The following USP43 variants were observed in gnomAD, a reference collection of about 807,000 sequenced individuals.
The protein encoded by USP43 is ubiquitin carboxyl-terminal hydrolase 43.
In USP43, 33 loss-of-function variants were observed where a neutral mutation model predicts 90.7. The observed-to-expected ratio is 0.36, with a 90% CI of 0.28 to 0.49. The LOEUF (loss-of-function observed/expected upper bound fraction) is 0.49. Ranked by LOEUF, USP43 falls within the 20% of genes least tolerant of loss-of-function variation. The pLI is 0.98. For missense variants in USP43, 1,274 were observed against 1,476.4 expected (o/e 0.86, Z 2.25); for synonymous variants, 598 against 615.8 (o/e 0.97, Z 0.43).
chr17:9,692,543 T>C (rs997028982), intron 8 of USP43, among the ~76,000 whole-genome samples: 1 of 152,230 alleles, frequency 6.6e-6, no homozygotes, highest in Non-Finnish European at 1.5e-5. Flanking sequence ...GAGTTGTTCA[T>C]TCCATTGAAT....
intron 7 of USP43, 91 bp downstream of exon 7, chr17:9,683,049 T>A (rs1420514049): frequency 2.0e-6 from 3 of 1,487,358 alleles, no homozygotes; most frequent in Non-Finnish European, 2.7e-6. Flanking sequence ...AAACATTTAT[T>A]CCCAAGGTTA....
chr17:9,665,188 G>A (rs1260757473), intron 2 of USP43, among the ~76,000 whole-genome samples: 1 of 152,112 alleles, frequency 6.6e-6, no homozygotes, highest in East Asian at 1.9e-4. Context: ...GGTGGCATTA[G>A]GGCACACAGA....
At chr17:9,726,846 T>A (rs1917298230) in intron 14 of USP43, among the ~76,000 whole-genome samples, 1 of 152,152 alleles carries the variant, frequency 6.6e-6, no homozygotes, top group Non-Finnish European at 1.5e-5. Context: ...GCCATGTAGG[T>A]TGTGTGTTTC....
chr17:9,701,636 C>T lies in USP43; in HGVS notation c.1947C>T (p.Asp649=). 6.3e-7 allele frequency: 1 copy of T among 1,591,506 alleles called. No individual in the cohort carries two copies. The highest frequency in any genetic ancestry group is 1.1e-5 in the South Asian group (1 of 87,068). The change falls in exon 12 of 15, where the codon GAC becomes GAT. Residue 649 remains aspartate (D), a synonymous_variant. Transcript: ENST00000285199. The surrounding 1 kb of genome is among the most constrained non-coding windows in gnomAD (Gnocchi z 7.2). ...GCCTGCCCACCAGTTACCCGCTGGA[C>T]TTCCTGTACGACCTGTATGCCGTCT... ...PDCLPTSYPL[D]FLYDLYAVCN...
chr17:9,701,317 C>CG lies in USP43; in HGVS notation c.1663-30dup. ...CCTTTGGTGGGTTGGCCACGTGCTG[C>CG]GGGGGCCTCACAGTCCGGGTGGTTT... On this transcript the variant is annotated intron_variant, in intron 11 of 14. Transcript: ENST00000285199. This position sits in a 1 kb window ranked among gnomAD's most constrained non-coding sequence, Gnocchi z 7.2. 1.3e-6 allele frequency: 2 copies of CG among 1,587,292 alleles called. No homozygotes were observed. Among genetic ancestry groups the CG allele is most frequent in the Non-Finnish European group, 1.7e-6 (2 of 1,165,992 alleles).
intron 2 of USP43, among the ~76,000 whole-genome samples, chr17:9,665,301 A>G (rs187921303): frequency 1.3e-4 from 20 of 152,280 alleles, no homozygotes; most frequent in African/African-American, 4.3e-4. Flanking sequence ...TCACACTGCT[A>G]TAAAGGAATA....
chr17:9,715,273 C>T (rs1327871132), intron 14 of USP43, among the ~76,000 whole-genome samples: 2 of 152,048 alleles, frequency 1.3e-5, no homozygotes, highest in Non-Finnish European at 2.9e-5. Flanking sequence ...CTAGCCCTGG[C>T]AACATAGTGA....
At chr17:9,675,665 C>G (rs1160163093) in intron 4 of USP43, among the ~76,000 whole-genome samples, 1 of 152,150 alleles carries the variant, frequency 6.6e-6, no homozygotes. Context: ...TATTGACATC[C>G]CCTGCCTTTA....
chr17:9,652,992 A>G (rs1322025167), intron 1 of USP43, among the ~76,000 whole-genome samples: 1 of 151,928 alleles, frequency 6.6e-6, no homozygotes, highest in African/African-American at 2.4e-5. Flanking sequence ...TTTGTATTTC[A>G]TCAGTCATAA....
chr17:9,710,197 A>G, intron 13 of USP43, 83 bp downstream of exon 13: 1 of 1,331,946 alleles, frequency 7.5e-7, no homozygotes, highest in East Asian at 2.8e-5. Flanking sequence ...AACATCGAGG[A>G]CCAGGAGAGG....
At chr17:9,668,605 C>T (rs183346683) in intron 3 of USP43, among the ~76,000 whole-genome samples, 25 of 152,248 alleles carry the variant, frequency 1.6e-4, no homozygotes, top group South Asian at 1.2e-3. Flanking sequence ...AAGAAACAGC[C>T]GGGATGACTG....
chr17:9,655,279 T>G (rs1567646639), intron 1 of USP43, among the ~76,000 whole-genome samples: 1 of 152,094 alleles, frequency 6.6e-6, no homozygotes, highest in Non-Finnish European at 1.5e-5. Context: ...ACGTGCTGTG[T>G]GCATGTGCAT....
chr17:9,728,419 C>T lies in USP43; in HGVS notation c.2801C>T (p.Thr934Ile). 1 of 1,610,780 alleles carries T rather than the reference C, an allele frequency of 6.2e-7. No individual in the cohort carries two copies. The highest frequency in any genetic ancestry group is 8.5e-7 in the Non-Finnish European group (1 of 1,178,510). Residue 934 changes from threonine to isoleucine, a missense_variant, in exon 15 of 15, where the codon ACT becomes ATT. This residue lies in a region of USP43 where 353 missense variants were observed against 329.7 expected (regional missense o/e 1.07). Transcript: ENST00000285199. This position sits in a 1 kb window ranked among gnomAD's most constrained non-coding sequence, Gnocchi z 6.2. ...CCCAGAAAGTTTGACCTGCCTCTCA[C>T]TGTGATGCCTTCAGTGGAGCATGAG... ...KLPRKFDLPL[T>I]VMPSVEHEKP...
At chr17:9,668,045 G>T (rs1218461695) in intron 3 of USP43, among the ~76,000 whole-genome samples, 2 of 152,130 alleles carry the variant, frequency 1.3e-5, no homozygotes, top group Non-Finnish European at 2.9e-5. Context: ...AGCTAACCTT[G>T]TTCATTCACT....
At chr17:9,676,117 A>G (rs913740478) in intron 4 of USP43, among the ~76,000 whole-genome samples, 9 of 152,230 alleles carry the variant, frequency 5.9e-5, no homozygotes, top group African/African-American at 2.2e-4. Context: ...TTGTACTGAA[A>G]AAAACACCTT....
rs368889332 is a variant in USP43, at chr17:9,676,810, G to A, written c.898G>A (p.Val300Met). The change falls in exon 5 of 15, where the codon GTG becomes ATG. Residue 300 changes from valine to methionine, a missense_variant. This residue lies in a region of USP43 where 259 missense variants were observed against 373.7 expected (regional missense o/e 0.69). Transcript: ENST00000285199. ...SQRFLRVGLA[V>M]PILSTVAALR... ...GCGGTTCCTGCGGGTTGGCCTGGCC[G>A]TGCCGATCCTCAGCACAGTGGCAGC... is the stretch of plus-strand genomic sequence containing the variant. The A allele has an allele frequency of 3.0e-5, 48 of 1,613,950 alleles. No homozygotes were observed. In the East Asian group the frequency reaches 4.0e-4, roughly 13 times the overall value.
At chr17:9,700,373 A>G (rs1915501088) in intron 10 of USP43, 124 bp downstream of exon 10, 3 of 869,806 alleles carry the variant, frequency 3.4e-6, no homozygotes, top group Non-Finnish European at 3.5e-6. Context: ...GAGCCAGTGT[A>G]ACCCGTTCCT....
chr17:9,704,696 C>T (rs370047548), intron 12 of USP43, among the ~76,000 whole-genome samples: 5 of 152,186 alleles, frequency 3.3e-5, no homozygotes, highest in East Asian at 1.9e-4. Flanking sequence ...GTTTCTGACA[C>T]GCCCAGTACC....
intron 14 of USP43, among the ~76,000 whole-genome samples, chr17:9,718,278 G>A (rs1184436285): frequency 1.3e-5 from 2 of 152,166 alleles, no homozygotes; most frequent in East Asian, 3.9e-4. Flanking sequence ...AGGTTATTAA[G>A]AGCCTATCCG....
Sources: gnomAD v4.1 joint callset for allele counts (sites outside exome capture counted in the v4.1 genomes callset) on GRCh38, gnomAD v4.1.1 for gene constraint, gnomAD v4.1.1 regional missense constraint, Gnocchi (gnomAD v3.1) non-coding constraint, MANE v1.5 for transcripts, NCBI Gene and HGNC (gene_info 2026-07-23, HGNC 2026-07-21) for gene names.